Variants in ADGRB3 observed in about 807,000 individuals in gnomAD.
ADGRB3 encodes adhesion G protein-coupled receptor B3.
A neutral mutation model predicts 193.4 loss-of-function variants in ADGRB3; 37 were observed. The ratio of observed to expected loss-of-function variants is 0.19; its 90% CI spans 0.15 to 0.25. The LOEUF (loss-of-function observed/expected upper bound fraction) is 0.25. Ranked by LOEUF, ADGRB3 falls within the 10% of genes least tolerant of loss-of-function variation. The pLI, the probability that ADGRB3 is intolerant of heterozygous loss-of-function variation, is 1.00. For missense variants in ADGRB3, 1,637 were observed against 1,852.9 expected, an observed-to-expected ratio of 0.88 and a Z score of 2.14; for synonymous variants, 690 against 644.2, an observed-to-expected ratio of 1.07 and a Z score of -1.08.
intron 15 of ADGRB3, among the ~76,000 whole-genome samples, chr6:69,056,239 T>A (rs770476962): frequency 7.9e-5 from 12 of 152,308 alleles, no homozygotes; most frequent in Middle Eastern, 3.4e-3. Context: ...TCTTTTTATA[T>A]CCTTGTTGTC....
At chr6:69,152,631 CAT>C (rs373206330) in intron 17 of ADGRB3, among the ~76,000 whole-genome samples, 4 of 152,286 alleles carry the variant, frequency 2.6e-5, no homozygotes, top group Non-Finnish European at 4.4e-5. Flanking sequence ...TTTAAATCCA[CAT>C]GTGTTAAGTG....
At chr6:69,078,462 G>A (rs1772295908) in intron 17 of ADGRB3, among the ~76,000 whole-genome samples, 1 of 151,874 alleles carries the variant, frequency 6.6e-6, no homozygotes, top group Non-Finnish European at 1.5e-5. Context: ...TTAAATAAAT[G>A]TTTTCATATT....
intron 3 of ADGRB3, among the ~76,000 whole-genome samples, chr6:68,888,538 T>TAC (rs1288518139): frequency 9.9e-6 from 1 of 101,374 alleles, no homozygotes; most frequent in Non-Finnish European, 2.1e-5. Flanking sequence ...TTTTGGGTAA[T>TAC]AGATACACAC....
rs143200557 is a variant in ADGRB3 at position 69,308,178 on chromosome 6, T to G, written c.2815-16694T>G. Among the ~76,000 whole-genome samples, 391 of 151,592 alleles carry G rather than the reference T, an allele frequency of 2.6e-3. 7 individuals are homozygous for G. Among genetic ancestry groups the G allele is most frequent in the Middle Eastern group, 0.017 (5 of 294 alleles). On this transcript the variant is annotated intron_variant, in intron 20 of 31. Coordinates refer to ENST00000370598, the MANE Select transcript of ADGRB3 (RefSeq NM_001704.3). The stretch of plus-strand genomic sequence containing the variant: ...TGGAATAAATCAAACTGCGTGAGTT[T>G]GAGTCCTGGCTCTGCCTCTACAGAG...
chr6:68,910,250 GTTGT>G (rs1198330861), intron 3 of ADGRB3, among the ~76,000 whole-genome samples: 1 of 152,150 alleles, frequency 6.6e-6, no homozygotes, highest in Non-Finnish European at 1.5e-5. Context: ...TGTCGATGGG[GTTGT>G]TTGTTTTTTT....
At chr6:68,933,673 A>G (rs1767409403) in intron 4 of ADGRB3, among the ~76,000 whole-genome samples, 1 of 152,358 alleles carries the variant, frequency 6.6e-6, no homozygotes, top group African/African-American at 2.4e-5. Context: ...GCAAAAGTTT[A>G]TATTAATATT....
At chr6:69,184,239 A>G (rs1200895889) in intron 17 of ADGRB3, among the ~76,000 whole-genome samples, 2 of 152,082 alleles carry the variant, frequency 1.3e-5, no homozygotes, top group African/African-American at 2.4e-5. Flanking sequence ...AAGTGTCCCC[A>G]TCAGCTGGCT....
intron 10 of ADGRB3, among the ~76,000 whole-genome samples, chr6:68,983,318 G>A (rs1355255709): frequency 4.0e-5 from 6 of 151,700 alleles, no homozygotes; most frequent in Non-Finnish European, 7.4e-5. Flanking sequence ...GTGGCTTGGA[G>A]GATAAATGTT....
intron 20 of ADGRB3, among the ~76,000 whole-genome samples, chr6:69,271,319 T>C (rs189535843): frequency 2.0e-5 from 3 of 152,032 alleles, no homozygotes; most frequent in Non-Finnish European, 4.4e-5. Flanking sequence ...GGTGGCTGAG[T>C]TGTGGGTAAA....
chr6:69,087,827 C>T (rs74521253), intron 17 of ADGRB3, among the ~76,000 whole-genome samples: 9,441 of 152,196 alleles, frequency 0.062, 369 homozygotes, highest in South Asian at 0.12. Context: ...CATGAGTCTA[C>T]GTCACAGGTG....
chr6:69,188,084 C>A (rs1765105643), intron 17 of ADGRB3, among the ~76,000 whole-genome samples: 1 of 152,102 alleles, frequency 6.6e-6, no homozygotes, highest in South Asian at 2.1e-4. Context: ...TTTCTATTCT[C>A]AGATAACTGT....
chr6:69,252,445 G>T (rs553384279), intron 20 of ADGRB3, among the ~76,000 whole-genome samples: 1 of 152,090 alleles, frequency 6.6e-6, no homozygotes, highest in South Asian at 2.1e-4. Context: ...GGGTATAAAG[G>T]CAGGTTAGAT....
chr6:69,046,917 G>A (rs1218141638), intron 13 of ADGRB3, among the ~76,000 whole-genome samples: 2 of 152,084 alleles, frequency 1.3e-5, no homozygotes, highest in African/African-American at 2.4e-5. Flanking sequence ...GAGTGCACTG[G>A]CCTGATCTCA....
At chr6:69,002,319 A>G (rs751560475) in intron 11 of ADGRB3, among the ~76,000 whole-genome samples, 2 of 151,574 alleles carry the variant, frequency 1.3e-5, no homozygotes, top group Non-Finnish European at 2.9e-5. Flanking sequence ...CCCTGGTTCA[A>G]GCGATTCTCC....
intron 31 of ADGRB3, among the ~76,000 whole-genome samples, chr6:69,388,379 C>T (rs1429972965): frequency 2.6e-5 from 4 of 151,992 alleles, no homozygotes; most frequent in Non-Finnish European, 4.4e-5. Context: ...TGACTTAACT[C>T]TCCTTCCTAC....
intron 29 of ADGRB3, among the ~76,000 whole-genome samples, chr6:69,364,890 G>A (rs1039904637): frequency 1.3e-5 from 2 of 152,002 alleles, no homozygotes; most frequent in South Asian, 4.2e-4. Context: ...AGCAAGAGGG[G>A]ACAAAAGAGA....
intron 17 of ADGRB3, among the ~76,000 whole-genome samples, chr6:69,099,777 G>A (rs1443461042): frequency 1.3e-5 from 2 of 152,062 alleles, no homozygotes; most frequent in Non-Finnish European, 2.9e-5. Flanking sequence ...CTATGCACTG[G>A]GGCAAGACAG....
chr6:68,818,244 T>C (rs1363227425), intron 3 of ADGRB3, among the ~76,000 whole-genome samples: 1 of 152,072 alleles, frequency 6.6e-6, no homozygotes, highest in Non-Finnish European at 1.5e-5. Context: ...AAACAAGCCA[T>C]AGACTTGAGA....
intron 10 of ADGRB3, among the ~76,000 whole-genome samples, chr6:68,976,192 A>T (rs1768741582): frequency 6.6e-6 from 1 of 152,206 alleles, no homozygotes; most frequent in Non-Finnish European, 1.5e-5. Flanking sequence ...CTTTTGTAAG[A>T]ATCCTAAAGA....
Sources: allele counts gnomAD v4.1 joint callset (sites outside exome capture counted in the v4.1 genomes callset), GRCh38; gene constraint gnomAD v4.1.1; transcripts MANE v1.5; gene names NCBI Gene and HGNC (gene_info 2026-07-23, HGNC 2026-07-21).